The following DAB1 variants were observed in gnomAD, a reference collection of about 807,000 sequenced individuals.
The protein encoded by DAB1 is DAB adaptor protein 1.
DAB1 carries 15 observed loss-of-function variants against 64.6 expected under a neutral mutation model. The observed-to-expected ratio is 0.23, with a 90% CI of 0.16 to 0.36. DAB1 has a LOEUF of 0.36. Among genes scored for constraint, DAB1 ranks in the 10% least tolerant of loss-of-function variants. The probability of loss-of-function intolerance (pLI) is 1.00; values close to 1 mark genes in which losing one functional copy is unlikely to be tolerated. For missense variants in DAB1, 596 were observed against 706.7 expected, an observed-to-expected ratio of 0.84 and a Z score of 1.78; for synonymous variants, 235 against 251.9, an observed-to-expected ratio of 0.93 and a Z score of 0.64.
chr1:57,805,374 T>A (rs773337672), intron 6 of DAB1, among the ~76,000 whole-genome samples: 8 of 152,226 alleles, frequency 5.3e-5, no homozygotes, highest in Non-Finnish European at 1.0e-4. Flanking sequence ...TTAGCCCATA[T>A]AATGAGCATT....
rs548485063 is a variant in DAB1, at chr1:57,889,901, G to T, written n.388-5739C>A. Among the ~76,000 whole-genome samples, 182 of 72,624 alleles carry T rather than the reference G, an allele frequency of 2.5e-3. 12 individuals carry two copies. In the Middle Eastern group the frequency reaches 0.046, roughly 19 times the overall value. 47.6% of individuals were successfully genotyped at this position (72,624 alleles called of 152,430 possible). On this transcript the variant is annotated intron_variant and non_coding_transcript_variant, in intron 5 of 20. Transcript: ENST00000485760. The stretch of plus-strand genomic sequence containing the variant: ...GCAGATGGTAGCACAAACTGGGGCG[G>T]GGGGGGGGGAGGGGGAAGAAATCAC...
chr1:57,912,587 G>C (rs1644662590), intron 5 of DAB1, among the ~76,000 whole-genome samples: 1 of 152,090 alleles, frequency 6.6e-6, no homozygotes. Context: ...TGGAAGTTCT[G>C]GCCAGGGCAA....
chr1:58,429,395 G>A (rs184427949), intron 3 of DAB1, among the ~76,000 whole-genome samples: 26 of 152,312 alleles, frequency 1.7e-4, no homozygotes, highest in African/African-American at 6.0e-4. Flanking sequence ...CAACCTGCAG[G>A]AGTCCAGGAA....
chr1:58,261,094 G>C lies in DAB1; in HGVS notation n.309+82258C>G, dbSNP rs557649799. On this transcript the variant is annotated intron_variant and non_coding_transcript_variant, in intron 4 of 20. Coordinates refer to the DAB1 transcript ENST00000485760. ...TCAAGAATATAAGGTAGATATTTGT[G>C]GGTATTTGTATCCTATAACAGAAAC... Among the ~76,000 whole-genome samples the C allele has an allele frequency of 2.0e-5, 3 of 152,158 alleles. No individual in the cohort carries two copies. The South Asian group carries it at 6.2e-4, about 32-fold the overall frequency.
chr1:57,260,649 C>G (rs910447842), intron 2 of DAB1, among the ~76,000 whole-genome samples: 4 of 152,146 alleles, frequency 2.6e-5, no homozygotes, highest in African/African-American at 9.7e-5. Flanking sequence ...CTAAGTTAAT[C>G]CCCCATGGTA....
intron 7 of DAB1, among the ~76,000 whole-genome samples, chr1:57,476,419 C>T (rs988654112): frequency 7.9e-5 from 12 of 151,814 alleles, no homozygotes; most frequent in Admixed American, 2.6e-4. Context: ...TTTCCCTGAC[C>T]TTCATTCAAA....
intron 4 of DAB1, among the ~76,000 whole-genome samples, chr1:58,161,891 T>C (rs1292259936): frequency 6.6e-6 from 1 of 152,150 alleles, no homozygotes; most frequent in Non-Finnish European, 1.5e-5. Flanking sequence ...GGGAATGACA[T>C]AGTCAGATTT....
intron 4 of DAB1, among the ~76,000 whole-genome samples, chr1:57,099,420 G>A (rs546363303): frequency 4.1e-4 from 63 of 152,294 alleles, no homozygotes; most frequent in African/African-American, 1.2e-3. Flanking sequence ...AGTAAGTAGC[G>A]CAGTTCCTAG....
At chr1:57,041,584 G>A (rs1196882310) in intron 9 of DAB1, among the ~76,000 whole-genome samples, 1 of 152,148 alleles carries the variant, frequency 6.6e-6, no homozygotes, top group South Asian at 2.1e-4. Context: ...ATTTTTCTTT[G>A]TTGTAACATT....
At chr1:58,051,579 G>T (rs377625369) in intron 5 of DAB1, among the ~76,000 whole-genome samples, 20 of 152,220 alleles carry the variant, frequency 1.3e-4, no homozygotes, top group African/African-American at 4.6e-4. Flanking sequence ...GGGATTGCTG[G>T]GTCAAATGGT....
chr1:57,120,159 T>C (rs1656505348), intron 4 of DAB1, among the ~76,000 whole-genome samples: 1 of 152,210 alleles, frequency 6.6e-6, no homozygotes, highest in East Asian at 1.9e-4. Context: ...GTTTCAAAAC[T>C]GACTTCAACA....
rs77576709 is a variant in DAB1 at position 58,281,659 on chromosome 1, A to G, written n.309+61693T>C. 2.2e-4 allele frequency among the ~76,000 whole-genome samples: 34 copies of G among 152,212 alleles called. No homozygotes were observed. In the East Asian group the frequency reaches 6.0e-3, roughly 27 times the overall value. ...CCAGAGAATAAAATCCAAACTCTTT[A>G]TGAATGGCAAGTCCTCATTTACCTA... On this transcript the variant is annotated intron_variant and non_coding_transcript_variant, in intron 4 of 20. Coordinates refer to the DAB1 transcript ENST00000485760.
chr1:57,656,393 A>G (rs1227293950), intron 6 of DAB1, among the ~76,000 whole-genome samples: 1 of 152,224 alleles, frequency 6.6e-6, no homozygotes, highest in African/African-American at 2.4e-5. Context: ...TTGGCAACAC[A>G]TATACTAAAA....
chr1:57,009,050 G>C lies in DAB1; in HGVS notation c.*15+1630C>G, dbSNP rs532707190. Among the ~76,000 whole-genome samples the C allele has an allele frequency of 1.1e-3, 165 of 152,314 alleles. 1 individual carries two copies. The highest frequency in any genetic ancestry group is 3.8e-3 in the African/African-American group (157 of 41,566). ...AAGCTGAACAGGTTCATAAAGATGAGGGTTTAATACATTGATCTGCAAATG... is the reference window on the plus strand; with the variant it reads ...AAGCTGAACAGGTTCATAAAGATGACGGTTTAATACATTGATCTGCAAATG... On this transcript the variant is annotated intron_variant, in intron 14 of 14. Transcript: ENST00000371236.
intron 1 of DAB1, among the ~76,000 whole-genome samples, chr1:57,859,751 CAG>C (rs937094957): frequency 5.8e-4 from 89 of 152,204 alleles, no homozygotes; most frequent in South Asian, 3.3e-3. Flanking sequence ...CTGAAATCAA[CAG>C]AGAGATTGAA....
chr1:58,509,757 A>C (rs1646045823), intron 2 of DAB1, among the ~76,000 whole-genome samples: 1 of 151,822 alleles, frequency 6.6e-6, no homozygotes, highest in Admixed American at 6.6e-5. Context: ...CGTTAGAGTA[A>C]GAAAAAAAAA....
At chr1:57,040,173 A>T (rs1221805314) in intron 9 of DAB1, among the ~76,000 whole-genome samples, 1 of 152,044 alleles carries the variant, frequency 6.6e-6, no homozygotes, top group African/African-American at 2.4e-5. Flanking sequence ...AATACATGGC[A>T]CCCAACCCTA....
At chr1:57,145,513 C>A in intron 2 of DAB1, 84 bp from the exon 3 acceptor site, 2 of 1,409,544 alleles carry the variant, frequency 1.4e-6, no homozygotes, top group South Asian at 1.3e-5. Flanking sequence ...GATCCGCTGT[C>A]TGGTTTCATC....
intron 5 of DAB1, among the ~76,000 whole-genome samples, chr1:57,908,721 C>T (rs1345018407): frequency 1.3e-5 from 2 of 152,150 alleles, no homozygotes; most frequent in Non-Finnish European, 2.9e-5. Flanking sequence ...TAACCAGGGT[C>T]TGTTCTGCTT....
Sources: allele counts gnomAD v4.1 joint callset (sites outside exome capture counted in the v4.1 genomes callset), GRCh38; gene constraint gnomAD v4.1.1; transcripts MANE v1.5; gene names NCBI Gene and HGNC (gene_info 2026-07-23, HGNC 2026-07-21).